Variants in KIF5C observed in about 807,000 individuals in gnomAD.
KIF5C encodes the protein kinesin heavy chain isoform 5C.
A neutral mutation model predicts 125.2 loss-of-function variants in KIF5C; 18 were observed. That is an observed-to-expected ratio of 0.14 (90% confidence interval 0.10 to 0.21). The LOEUF (loss-of-function observed/expected upper bound fraction) is 0.21, where lower values mean the gene tolerates loss of function less well. KIF5C is among the 10% of genes least tolerant of loss of function. KIF5C has a pLI of 1.00. For missense variants in KIF5C, 780 were observed against 1,183.8 expected, an observed-to-expected ratio of 0.66 and a Z score of 5.01; for synonymous variants, 405 against 434.0, an observed-to-expected ratio of 0.93 and a Z score of 0.83.
intron 1 of KIF5C, among the ~76,000 whole-genome samples, chr2:148,881,665 C>T (rs917036496): frequency 6.6e-6 from 1 of 152,080 alleles, no homozygotes; most frequent in Non-Finnish European, 1.5e-5. Context: ...GCTCTTCTTC[C>T]CATTCACAGT....
chr2:148,907,267 G>A (rs144461758), intron 1 of KIF5C, among the ~76,000 whole-genome samples: 38 of 152,318 alleles, frequency 2.5e-4, no homozygotes, highest in African/African-American at 6.0e-4. Context: ...GGGAAGTGAC[G>A]TCACCTCCAC....
At chr2:148,978,269 C>T (rs1681131444) in intron 12 of KIF5C, among the ~76,000 whole-genome samples, 1 of 148,454 alleles carries the variant, frequency 6.7e-6, no homozygotes, top group Non-Finnish European at 1.5e-5. Flanking sequence ...GCGAATTTGC[C>T]TTTCCCACTT....
intron 17 of KIF5C, among the ~76,000 whole-genome samples, chr2:148,996,444 C>G (rs1023562681): frequency 2.6e-5 from 4 of 152,214 alleles, no homozygotes; most frequent in African/African-American, 7.2e-5. Context: ...TCATGTTTCT[C>G]TCTTGCATCC....
At chr2:148,939,661 A>G (rs1047273748) in intron 4 of KIF5C, among the ~76,000 whole-genome samples, 6 of 152,216 alleles carry the variant, frequency 3.9e-5, no homozygotes, top group African/African-American at 1.4e-4. Context: ...ATTTGTACTT[A>G]TGCTTACTTG....
intron 1 of KIF5C, among the ~76,000 whole-genome samples, chr2:148,917,058 G>A (rs1681584464): frequency 6.6e-6 from 1 of 152,166 alleles, no homozygotes; most frequent in African/African-American, 2.4e-5. Flanking sequence ...TCTTTCCCTA[G>A]CCTCTGATTG....
At position 148,946,915 on chromosome 2, in the gene KIF5C, C is replaced by T; in HGVS notation, c.606C>T (p.Ser202=). ...HVAVTNMNEH[S]SRSHSIFLIN... ...CCTTTTCAGACATGAATGAACACAG[C>T]TCTAGAAGTCACAGTATCTTCCTGA... The change falls in exon 8 of 26, where the codon AGC becomes AGT. Residue 202 remains serine (S), a synonymous_variant. Transcript: ENST00000435030. The T allele has an allele frequency of 1.2e-6, 2 of 1,613,078 alleles. No individual in the cohort carries two copies. Among genetic ancestry groups the T allele is most frequent in the Non-Finnish European group, 1.7e-6 (2 of 1,179,704 alleles).
intron 1 of KIF5C, among the ~76,000 whole-genome samples, chr2:148,902,902 T>A (rs2105058364): frequency 6.6e-6 from 1 of 152,332 alleles, no homozygotes; most frequent in Non-Finnish European, 1.5e-5. Flanking sequence ...TCTTGGCCCC[T>A]GCTGAGTTTT....
intron 11 of KIF5C, 97 bp from the exon 12 acceptor site, chr2:148,973,239 G>A: frequency 1.4e-6 from 2 of 1,461,386 alleles, no homozygotes; most frequent in Non-Finnish European, 1.8e-6. Flanking sequence ...TGTCTTCTGT[G>A]TATTTTTCAC....
chr2:148,940,485 C>T (rs1056040900), intron 4 of KIF5C, among the ~76,000 whole-genome samples: 4 of 152,096 alleles, frequency 2.6e-5, no homozygotes, highest in African/African-American at 9.7e-5. Context: ...GACCGAGGCA[C>T]ATTAAGGATA....
intron 1 of KIF5C, among the ~76,000 whole-genome samples, chr2:148,892,777 C>G (rs750237398): frequency 6.6e-6 from 1 of 152,202 alleles, no homozygotes; most frequent in South Asian, 2.1e-4. Context: ...CTATTCTTCT[C>G]TGTCTTAAAA....
chr2:148,924,933 G>A lies in KIF5C; in HGVS notation c.217+2706G>A, dbSNP rs534212775. Among the ~76,000 whole-genome samples, 134 of 152,238 alleles carry A rather than the reference G, an allele frequency of 8.8e-4. No homozygotes were observed. The highest frequency in any genetic ancestry group is 3.2e-3 in the African/African-American group (132 of 41,532). ...GGTAAGCAGTGCTGGGACTGGAGTCGCCATGCTATGTAAGACTGTCTGCAA... is the reference window on the plus strand; with the variant it reads ...GGTAAGCAGTGCTGGGACTGGAGTCACCATGCTATGTAAGACTGTCTGCAA... On this transcript the variant is annotated intron_variant, in intron 2 of 25. Transcript: ENST00000435030. This position sits in a 1 kb window ranked among gnomAD's most constrained non-coding sequence, Gnocchi z 4.0.
At chr2:148,955,849 G>T (rs2105121771) in intron 10 of KIF5C, among the ~76,000 whole-genome samples, 1 of 152,230 alleles carries the variant, frequency 6.6e-6, no homozygotes, top group East Asian at 1.9e-4. Context: ...AAGGTGTGAG[G>T]TTGTCTAGAG....
chr2:148,898,962 T>C (rs1332058317), intron 1 of KIF5C, among the ~76,000 whole-genome samples: 1 of 152,172 alleles, frequency 6.6e-6, no homozygotes, highest in South Asian at 2.1e-4. Context: ...CTATTCTCTA[T>C]GAAGAAAAAC....
chr2:148,907,961 G>T (rs867748595), intron 1 of KIF5C, among the ~76,000 whole-genome samples: 22 of 152,322 alleles, frequency 1.4e-4, no homozygotes, highest in African/African-American at 4.8e-4. Context: ...CAGACTGGGA[G>T]CCCCTGCTGT....
At chr2:148,998,323 T>G in intron 18 of KIF5C, 77 bp from the exon 19 acceptor site, 8 of 1,544,656 alleles carry the variant, frequency 5.2e-6, no homozygotes, top group Non-Finnish European at 7.0e-6. Context: ...AGGAGGTAGG[T>G]CCAGATCCAG....
intron 1 of KIF5C, among the ~76,000 whole-genome samples, chr2:148,905,010 A>G (rs1351900665): frequency 6.6e-6 from 1 of 152,244 alleles, no homozygotes; most frequent in East Asian, 1.9e-4. Flanking sequence ...AGGAAAGAAC[A>G]GGTCCTAGGC....
rs756273464 is a variant in KIF5C at position 149,011,621 on chromosome 2, A to G, written c.2819A>G (p.His940Arg). The G allele has an allele frequency of 1.9e-6, 3 of 1,614,080 alleles. No individual in the cohort carries two copies. The highest frequency in any genetic ancestry group is 2.2e-5 in the East Asian group (1 of 44,892). ...CCGGCCTCATCTCCAACGGCCGTCC[A>G]TGCCATTCGAGGGGGAGGAGGCAGC... is the stretch of plus-strand genomic sequence containing the variant. ...HYPASSPTAVHAIRGGGGSSS... is the reference protein window; with the variant it reads ...HYPASSPTAVRAIRGGGGSSS... The change falls in exon 25 of 26, where the codon CAT (histidine) becomes CGT (arginine). Residue 940 changes from histidine to arginine, a missense_variant. This residue lies in a region of KIF5C where 573 missense variants were observed against 742.6 expected (regional missense o/e 0.77). Coordinates refer to ENST00000435030, the MANE Select transcript of KIF5C (RefSeq NM_004522.3).
Position 148,997,442 on chromosome 2 carries a change from G to C in KIF5C, c.2100+102G>C, listed in dbSNP as rs756388391. 1.3e-5 allele frequency: 20 copies of C among 1,570,418 alleles called. 1 individual carries two copies. In the Admixed American group the frequency reaches 3.2e-4, roughly 25 times the overall value. On this transcript the variant is annotated intron_variant, in intron 18 of 25. Coordinates refer to ENST00000435030, the MANE Select transcript of KIF5C (RefSeq NM_004522.3). ...ATCTGTCACCTTCAGATCCGTATATGGCAAGGGACAGGGGAGGGGCTGTTG... is the reference window on the plus strand; with the variant it reads ...ATCTGTCACCTTCAGATCCGTATATCGCAAGGGACAGGGGAGGGGCTGTTG...
chr2:149,007,777 C>T (rs959499525), intron 22 of KIF5C, among the ~76,000 whole-genome samples, 186 bp from the exon 23 acceptor site: 3 of 151,666 alleles, frequency 2.0e-5, no homozygotes, highest in Admixed American at 6.6e-5. Context: ...CTCCTCAAAT[C>T]GCTTTTCATA....
Sources: allele counts gnomAD v4.1 joint callset (sites outside exome capture counted in the v4.1 genomes callset), GRCh38; gene constraint gnomAD v4.1.1; regional missense constraint gnomAD v4.1.1; non-coding constraint Gnocchi (gnomAD v3.1); transcripts MANE v1.5; gene names NCBI Gene and HGNC (gene_info 2026-07-23, HGNC 2026-07-21).